Variants in RFX1 observed in about 807,000 individuals in gnomAD.
RFX1 encodes the protein MHC class II regulatory factor RFX1.
Under a neutral mutation model 119.6 loss-of-function variants are expected in RFX1, and 42 were observed. That is an observed-to-expected ratio of 0.35 (90% CI 0.27 to 0.45). The LOEUF (loss-of-function observed/expected upper bound fraction) is 0.45, where lower values mean the gene tolerates loss of function less well. RFX1 is among the 20% of genes least tolerant of loss of function. The probability of loss-of-function intolerance (pLI) is 1.00; values close to 1 mark genes in which losing one functional copy is unlikely to be tolerated. For missense variants in RFX1, 1,118 were observed against 1,368.1 expected, an observed-to-expected ratio of 0.82 and a Z score of 2.88; for synonymous variants, 628 against 618.5, an observed-to-expected ratio of 1.02 and a Z score of -0.23.
Position 13,966,699 on chromosome 19 carries a change from C to T in RFX1, c.1785G>A (p.Val595=). ...CCCCGGGCCCGACGCCCTCAGGCAG[C>T]ACCTTGCCCTGGAGGTCGAGCTCTG... ...DFTELDLQGK[V]LPEGVGPGDI... The change falls in exon 13 of 21, where the codon GTG becomes GTA. Residue 595 remains valine (V), a synonymous_variant. Coordinates refer to ENST00000254325, the MANE Select transcript of RFX1 (RefSeq NM_002918.5). This position sits in a 1 kb window ranked among gnomAD's most constrained non-coding sequence, Gnocchi z 6.3. 6.2e-7 allele frequency: 1 copy of T among 1,611,486 alleles called. No homozygotes were observed. Among genetic ancestry groups the T allele is most frequent in the Non-Finnish European group, 8.5e-7 (1 of 1,179,072 alleles).
At position 13,966,299 on chromosome 19, in the gene RFX1, G is replaced by A; in HGVS notation, c.1961+122C>T. 1.6e-6 allele frequency: 1 copy of A among 640,150 alleles called. No homozygotes were observed. Among genetic ancestry groups the A allele is most frequent in the Non-Finnish European group, 2.8e-6 (1 of 360,576 alleles). The allele number at this position is 640,150 out of a possible 1,614,324, so 39.7% of individuals were successfully genotyped here. Reference sequence around the variant, plus strand: ...GGCTATACACACTCCACACAGCCAAGGATATGTGTACCCCACAAACTGCAG... The same window carrying A: ...GGCTATACACACTCCACACAGCCAAAGATATGTGTACCCCACAAACTGCAG... On this transcript the variant is annotated intron_variant, in intron 14 of 20. Coordinates refer to ENST00000254325, the MANE Select transcript of RFX1 (RefSeq NM_002918.5). This position sits in a 1 kb window ranked among gnomAD's most constrained non-coding sequence, Gnocchi z 6.3.
intron 1 of RFX1, among the ~76,000 whole-genome samples, chr19:13,999,241 G>A (rs906234785): frequency 2.0e-5 from 3 of 152,172 alleles, no homozygotes; most frequent in African/African-American, 7.2e-5. Context: ...CAAAACAAGG[G>A]AATTACTTAA....
chr19:14,000,518 C>G (rs1469278258), intron 1 of RFX1, among the ~76,000 whole-genome samples: 1 of 152,146 alleles, frequency 6.6e-6, no homozygotes, highest in African/African-American at 2.4e-5. Context: ...CTCCTAATGA[C>G]TGGGCGCAGT....
chr19:14,003,457 C>T (rs1406300535), intron 1 of RFX1, among the ~76,000 whole-genome samples: 1 of 151,968 alleles, frequency 6.6e-6, no homozygotes, highest in African/African-American at 2.4e-5. Flanking sequence ...CCTTTAAAGC[C>T]ACGAGGGCTC....
In RFX1 at chr19:13,965,844, G is replaced by A. The variant is rs546287614; in HGVS notation, c.1962-67C>T. 8.3e-6 allele frequency: 13 copies of A among 1,564,580 alleles called. No individual in the cohort carries two copies. In the South Asian group the frequency reaches 1.5e-4, roughly 18 times the overall value. On this transcript the variant is annotated intron_variant, in intron 14 of 20. Transcript: ENST00000254325. The surrounding 1 kb of genome is among the most constrained non-coding windows in gnomAD (Gnocchi z 4.7). The stretch of plus-strand genomic sequence containing the variant: ...TGGTCCTGCCCCCATCGTCAGAAGG[G>A]AACAGGTAGCCCCTGTCCCTGACCC...
chr19:13,976,880 G>A (rs1974267185), intron 8 of RFX1, among the ~76,000 whole-genome samples: 1 of 152,080 alleles, frequency 6.6e-6, no homozygotes, highest in Non-Finnish European at 1.5e-5. Flanking sequence ...GTGCACACCT[G>A]TAGTCCCAGC....
At chr19:13,973,202 A>T in intron 8 of RFX1, 75 bp from the exon 9 acceptor site, 3 of 415,282 alleles carry the variant, frequency 7.2e-6, no homozygotes, top group Non-Finnish European at 1.1e-5. Flanking sequence ...CTGTGCAGGA[A>T]GGGGGGTCCT....
At chr19:13,997,158 G>A (rs1380773408) in intron 1 of RFX1, among the ~76,000 whole-genome samples, 2 of 152,158 alleles carry the variant, frequency 1.3e-5, no homozygotes, top group Non-Finnish European at 2.9e-5. Flanking sequence ...GGGGGAAGCC[G>A]GCCCAAGCAG....
rs1482545229 is a variant in RFX1 at position 13,969,214 on chromosome 19, C to T, written c.1497-320G>A. ...GTTGCAAAGGAGAGGAAGAGAGGGG[C>T]GGGTTCTTGGGATGCCTTCTTGTTC... On this transcript the variant is annotated intron_variant, in intron 10 of 20. Transcript: ENST00000254325. This position sits in a 1 kb window ranked among gnomAD's most constrained non-coding sequence, Gnocchi z 4.5. Among the ~76,000 whole-genome samples, 1 of 152,024 alleles carries T rather than the reference C, an allele frequency of 6.6e-6. No individual in the cohort carries two copies. The highest frequency in any genetic ancestry group is 2.4e-5 in the African/African-American group (1 of 41,386).
rs934185130 is a variant in RFX1 at position 13,961,606 on chromosome 19, T to C, written c.*1089A>G. On this transcript the variant is annotated 3_prime_UTR_variant, in exon 21 of 21. Transcript: ENST00000254325. ...TAGAAAACAGCTCGGCACACTAGAC[T>C]ACCACACGTGTGGACACTTTCACCA... is the stretch of plus-strand genomic sequence containing the variant. 3.9e-5 allele frequency: 6 copies of C among 154,882 alleles called. No individual in the cohort carries two copies. The highest frequency in any genetic ancestry group is 1.4e-4 in the African/African-American group (6 of 41,398). 9.6% of individuals were successfully genotyped at this position (154,882 alleles called of 1,614,324 possible). A position where few individuals can be genotyped will look rare whatever the true frequency, so the allele number is the denominator to read the frequency against.
At chr19:13,979,146 C>T (rs1974350291) in intron 7 of RFX1, among the ~76,000 whole-genome samples, 2 of 152,160 alleles carry the variant, frequency 1.3e-5, no homozygotes, top group Non-Finnish European at 2.9e-5. Flanking sequence ...CAGGCCTCCA[C>T]CCACCGGGTT....
In RFX1 at chr19:13,971,717, T is replaced by A. The variant is rs117429890; in HGVS notation, c.1314+1026A>T. Among the ~76,000 whole-genome samples, 1,065 of 151,980 alleles carry A rather than the reference T, an allele frequency of 7.0e-3. 8 individuals carry two copies. Among genetic ancestry groups the A allele is most frequent in the Non-Finnish European group, 0.01 (680 of 67,958 alleles). ...GAGATCCTGTCTCTACAAAAAAAATTTTTTAAAATCCGCCAGGCGTGGTGG... is the reference window on the plus strand; with the variant it reads ...GAGATCCTGTCTCTACAAAAAAAATATTTTAAAATCCGCCAGGCGTGGTGG... On this transcript the variant is annotated intron_variant, in intron 9 of 20. Transcript: ENST00000254325.
intron 8 of RFX1, among the ~76,000 whole-genome samples, chr19:13,976,782 T>G (rs546534833): frequency 6.8e-6 from 1 of 147,118 alleles, no homozygotes; most frequent in South Asian, 2.2e-4. Flanking sequence ...GGGAGGATCA[T>G]TTAAGTCCAA....
At chr19:13,978,983 C>G (rs1974344515) in intron 7 of RFX1, among the ~76,000 whole-genome samples, 1 of 151,592 alleles carries the variant, frequency 6.6e-6, no homozygotes, top group Admixed American at 6.6e-5. Flanking sequence ...GGGGCCTCGC[C>G]GCTGCACGCG....
In RFX1 at chr19:13,961,810, T is replaced by TTTCC. The variant is rs1481337196; in HGVS notation, c.*884_*885insGGAA. 7.2e-5 allele frequency: 11 copies of TTTCC among 152,142 alleles called. No homozygotes were observed. Among genetic ancestry groups the TTTCC allele is most frequent in the Non-Finnish European group, 1.3e-4 (9 of 68,032 alleles). The allele number at this position is 152,142 out of a possible 1,614,324, so 9.4% of individuals were successfully genotyped here. On this transcript the variant is annotated 3_prime_UTR_variant, in exon 21 of 21. Coordinates refer to ENST00000254325, the MANE Select transcript of RFX1 (RefSeq NM_002918.5). ...AAAACACTGAGAAAACTGGAACAGATAAGGCCATGATGGTTGGAAAAAAAC... is the reference window on the plus strand; with the variant it reads ...AAAACACTGAGAAAACTGGAACAGATTTCCAAGGCCATGATGGTTGGAAAAAAAC...
rs776409553 is a variant in RFX1, at chr19:13,966,660, G to C, written c.1824C>G (p.Phe608Leu). 1 of 1,609,260 alleles carries C rather than the reference G, an allele frequency of 6.2e-7. No individual in the cohort carries two copies. The highest frequency in any genetic ancestry group is 1.1e-5 in the South Asian group (1 of 90,822). ...CACAGTGTTCCCGGTACAGGACCTG[G>C]AAGGCTTTGATGTCCCCGGGCCCGA... The part of the protein sequence containing the change: ...EGVGPGDIKA[F>L]QVLYREHCEA... The change falls in exon 13 of 21, where the codon TTC becomes TTG. Residue 608 changes from phenylalanine (F) to leucine (L), a missense_variant. This residue lies in a region of RFX1 where 338 missense variants were observed against 508.9 expected (regional missense o/e 0.66). Transcript: ENST00000254325. This position sits in a 1 kb window ranked among gnomAD's most constrained non-coding sequence, Gnocchi z 6.3.
Position 14,006,277 on chromosome 19 carries a change from A to C in RFX1, c.-227T>G, listed in dbSNP as rs1599531277. On this transcript the variant is annotated 5_prime_UTR_variant, in exon 1 of 21. Coordinates refer to ENST00000254325, the MANE Select transcript of RFX1 (RefSeq NM_002918.5). The stretch of plus-strand genomic sequence containing the variant: ...GTTGCCGGGTTGCTTGGTCGCCACG[A>C]CTACCGTGGCTATGGCGCCTCCGTT... The C allele has an allele frequency of 6.6e-6, 1 of 151,588 alleles. No individual in the cohort carries two copies. The allele number at this position is 151,588 out of a possible 1,614,324, so 9.4% of individuals were successfully genotyped here.
rs1973994174 is a variant in RFX1, at chr19:13,969,035, A to G, written c.1497-141T>C. The G allele has an allele frequency of 4.3e-6, 4 of 934,926 alleles. No homozygotes were observed. Among genetic ancestry groups the G allele is most frequent in the Non-Finnish European group, 6.3e-6 (4 of 637,318 alleles). The allele number at this position is 934,926 out of a possible 1,614,324, so 57.9% of individuals were successfully genotyped here. A position where few individuals can be genotyped will look rare whatever the true frequency, so the allele number is the denominator to read the frequency against. On this transcript the variant is annotated intron_variant, in intron 10 of 20. Coordinates refer to ENST00000254325, the MANE Select transcript of RFX1 (RefSeq NM_002918.5). This position sits in a 1 kb window ranked among gnomAD's most constrained non-coding sequence, Gnocchi z 4.5. ...TGCCCTGCAGAGACGGGGGTGCTGC[A>G]CTGAGGAGGCACAGGGGCTGTGGGT... is the stretch of plus-strand genomic sequence containing the variant.
At chr19:13,977,618 T>C (rs1027586490) in intron 8 of RFX1, among the ~76,000 whole-genome samples, 3 of 152,050 alleles carry the variant, frequency 2.0e-5, no homozygotes, top group Non-Finnish European at 4.4e-5. Flanking sequence ...GGTTTCACCA[T>C]GTTGGCCAGG....
Sources: gnomAD v4.1 joint callset for allele counts (sites outside exome capture counted in the v4.1 genomes callset) on GRCh38, gnomAD v4.1.1 for gene constraint, gnomAD v4.1.1 regional missense constraint, Gnocchi (gnomAD v3.1) non-coding constraint, MANE v1.5 for transcripts, NCBI Gene and HGNC (gene_info 2026-07-23, HGNC 2026-07-21) for gene names.